ITCH: variants seen among roughly 807,000 people sequenced by gnomAD.
ITCH encodes itchy E3 ubiquitin protein ligase.
A neutral mutation model predicts 126.8 loss-of-function variants in ITCH; 28 were observed. The ratio of observed to expected loss-of-function variants is 0.22; its 90% CI spans 0.16 to 0.30. ITCH has a LOEUF of 0.30. ITCH is among the 10% of genes least tolerant of loss of function. ITCH has a pLI of 1.00. For synonymous variants in ITCH, 342 were observed against 340.0 expected (o/e 1.01, Z -0.06); for missense variants, 631 against 1,032.4 (o/e 0.61, Z 5.33).
chr20:34,381,086 T>G (rs1445274915), intron 2 of ITCH, among the ~76,000 whole-genome samples: 2 of 151,988 alleles, frequency 1.3e-5, no homozygotes, highest in Admixed American at 6.6e-5. Context: ...CTGCGCCTGT[T>G]TGAAATTTCA....
intron 3 of ITCH, 86 bp from the exon 4 acceptor site, chr20:34,408,565 A>G: frequency 7.9e-7 from 1 of 1,268,708 alleles, no homozygotes; most frequent in East Asian, 2.5e-5. Context: ...TAAATTTAGT[A>G]AATCTGCCTA....
intron 6 of ITCH, chr20:34,417,308 G>T (rs182512180): frequency 1.4e-4 from 59 of 419,880 alleles, no homozygotes; most frequent in South Asian, 5.8e-4. Context: ...TGTTGGCCAG[G>T]CTGGCTTTGA....
At position 34,509,590 on chromosome 20, in the gene ITCH, A is replaced by G. The variant is rs1180025783; in HGVS notation, c.*1796A>G. 1.3e-5 allele frequency: 2 copies of G among 152,578 alleles called. No individual in the cohort carries two copies. Among genetic ancestry groups the G allele is most frequent in the African/African-American group, 4.8e-5 (2 of 41,442 alleles). 9.5% of individuals were successfully genotyped at this position (152,578 alleles called of 1,614,324 possible). ...GCAGCTCAGTGTAAATGGGGAGGCT[A>G]GGCTCTCCCCAGCCCTATGGTTTTT... On this transcript the variant is annotated 3_prime_UTR_variant, in exon 25 of 25. Coordinates refer to ENST00000374864, the MANE Select transcript of ITCH (RefSeq NM_031483.7).
intron 12 of ITCH, among the ~76,000 whole-genome samples, chr20:34,450,673 G>GT (rs1985084472): frequency 1.3e-5 from 2 of 152,184 alleles, no homozygotes. Context: ...TGGAACCAGA[G>GT]TTTTGTCTTC....
At chr20:34,438,767 CT>C (rs1211056590) in intron 8 of ITCH, 136 bp downstream of exon 8, 3 of 1,205,156 alleles carry the variant, frequency 2.5e-6, no homozygotes, top group Non-Finnish European at 3.6e-6. Flanking sequence ...AAAGAATGAT[CT>C]TTCTGTAGGT....
At chr20:34,377,051 C>T (rs148952698) in intron 2 of ITCH, among the ~76,000 whole-genome samples, 10 of 152,190 alleles carry the variant, frequency 6.6e-5, no homozygotes, top group South Asian at 2.1e-4. Context: ...CGTTTTCTTA[C>T]GATTTCCCAG....
intron 16 of ITCH, 32 bp from the exon 17 acceptor site, chr20:34,477,740 T>A: frequency 6.2e-7 from 1 of 1,606,710 alleles, no homozygotes; most frequent in East Asian, 2.2e-5. Flanking sequence ...AATAGCTTTT[T>A]TCACCAATTA....
chr20:34,449,262 G>A (rs1352780930), intron 11 of ITCH, 149 bp from the exon 12 acceptor site: 1 of 560,942 alleles, frequency 1.8e-6, no homozygotes. Context: ...AAAGTATATT[G>A]GCATTTATCC....
chr20:34,445,163 A>T (rs1984280618), intron 10 of ITCH, 124 bp from the exon 11 acceptor site: 3 of 1,077,688 alleles, frequency 2.8e-6, no homozygotes, highest in Non-Finnish European at 4.0e-6. Flanking sequence ...TCACTTACAA[A>T]CTATTTAAAA....
At chr20:34,389,742 C>T (rs1192983403) in intron 2 of ITCH, among the ~76,000 whole-genome samples, 2 of 152,086 alleles carry the variant, frequency 1.3e-5, no homozygotes, top group East Asian at 1.9e-4. Flanking sequence ...GACTTTATTA[C>T]TCAAAGTCAT....
At chr20:34,464,844 G>C (rs1986897127) in intron 14 of ITCH, among the ~76,000 whole-genome samples, 3 of 151,804 alleles carry the variant, frequency 2.0e-5, no homozygotes, top group African/African-American at 7.3e-5. Context: ...CTGAGTAGCT[G>C]GGGTTTTAGC....
rs975980327 is a variant in ITCH, at chr20:34,446,772, T to A, written c.1140+1311T>A. 3.3e-5 allele frequency among the ~76,000 whole-genome samples: 5 copies of A among 152,212 alleles called. No individual in the cohort carries two copies. In the East Asian group the frequency reaches 9.6e-4, roughly 29 times the overall value. On this transcript the variant is annotated intron_variant, in intron 11 of 24. Transcript: ENST00000374864. ...AACTAGTTTCCACATGGGTGTTCAGTGGAAAGAGCATGGGCTTTGGAGTTA... is the reference window on the plus strand; with the variant it reads ...AACTAGTTTCCACATGGGTGTTCAGAGGAAAGAGCATGGGCTTTGGAGTTA...
intron 23 of ITCH, among the ~76,000 whole-genome samples, chr20:34,495,323 G>GCA (rs938217991): frequency 1.6e-4 from 14 of 88,806 alleles, no homozygotes; most frequent in South Asian, 7.5e-4. Flanking sequence ...ATATACACAC[G>GCA]CACACACACA....
intron 21 of ITCH, among the ~76,000 whole-genome samples, 173 bp from the exon 22 acceptor site, chr20:34,489,649 G>A (rs1175634587): frequency 1.3e-5 from 2 of 152,130 alleles, no homozygotes; most frequent in South Asian, 2.1e-4. Context: ...GTATGACACC[G>A]TGCATGGAAC....
chr20:34,494,656 C>G (rs2146527168), intron 23 of ITCH, among the ~76,000 whole-genome samples: 1 of 152,256 alleles, frequency 6.6e-6, no homozygotes, highest in African/African-American at 2.4e-5. Flanking sequence ...ACTCACTTTT[C>G]TAACTATTTA....
chr20:34,475,937 C>T (rs1295356299), intron 16 of ITCH: 5 of 1,393,120 alleles, frequency 3.6e-6, no homozygotes, highest in Admixed American at 1.7e-5. Flanking sequence ...GGAGGTCTTG[C>T]CCACATCAAT....
chr20:34,461,772 G>A (rs1986538671), intron 13 of ITCH, among the ~76,000 whole-genome samples: 1 of 151,476 alleles, frequency 6.6e-6, no homozygotes, highest in South Asian at 2.1e-4. Context: ...ATGGTGTTGG[G>A]GATTGGAAAT....
chr20:34,443,192 C>G (rs935164954), intron 10 of ITCH, among the ~76,000 whole-genome samples: 1 of 151,878 alleles, frequency 6.6e-6, no homozygotes, highest in East Asian at 1.9e-4. Flanking sequence ...TATATTAATA[C>G]ATGGTGTTAA....
chr20:34,455,122 C>T (rs181694125), intron 12 of ITCH, among the ~76,000 whole-genome samples: 175 of 152,070 alleles, frequency 1.2e-3, no homozygotes, highest in African/African-American at 4.0e-3. Flanking sequence ...TGAGCCACAG[C>T]GCAGGACCAA....
Sources: gnomAD v4.1 joint callset for allele counts (sites outside exome capture counted in the v4.1 genomes callset) on GRCh38, gnomAD v4.1.1 for gene constraint, MANE v1.5 for transcripts, NCBI Gene and HGNC (gene_info 2026-07-23, HGNC 2026-07-21) for gene names.